The following SND1 variants were observed in gnomAD, a reference collection of about 807,000 sequenced individuals.
SND1 encodes staphylococcal nuclease domain-containing protein 1.
A neutral mutation model predicts 121.7 loss-of-function variants in SND1; 38 were observed. The ratio of observed to expected loss-of-function variants is 0.31; its 90% CI spans 0.24 to 0.41. SND1 has a LOEUF of 0.41. Among genes scored for constraint, SND1 ranks in the 10% least tolerant of loss-of-function variants. The pLI, the probability that SND1 is intolerant of heterozygous loss-of-function variation, is 1.00. For missense variants in SND1, 868 were observed against 1,184.6 expected, an observed-to-expected ratio of 0.73 and a Z score of 3.92; for synonymous variants, 401 against 447.4, an observed-to-expected ratio of 0.90 and a Z score of 1.31.
chr7:127,950,743 T>C lies in SND1; in HGVS notation c.1669+21414T>C, dbSNP rs146270239. ...ATTGTGGCCACATCTTACAGAGATGTAATGGTGGCTGCAGATTAAATCTCA... is the reference window on the plus strand; with the variant it reads ...ATTGTGGCCACATCTTACAGAGATGCAATGGTGGCTGCAGATTAAATCTCA... On this transcript the variant is annotated intron_variant, in intron 15 of 23. Coordinates refer to ENST00000354725, the MANE Select transcript of SND1 (RefSeq NM_014390.4). Among the ~76,000 whole-genome samples, 689 of 152,298 alleles carry C rather than the reference T, an allele frequency of 4.5e-3. 7 individuals are homozygous for C. The highest frequency in any genetic ancestry group is 0.016 in the African/African-American group (653 of 41,558).
At chr7:128,086,787 C>T in intron 20 of SND1, 151 bp from the exon 21 acceptor site, 2 of 696,052 alleles carry the variant, frequency 2.9e-6, no homozygotes, top group East Asian at 5.4e-5. Context: ...CACTGGGGAG[C>T]CTTTGTACAT....
At chr7:127,873,649 T>A (rs558411435) in intron 12 of SND1, among the ~76,000 whole-genome samples, 3 of 152,294 alleles carry the variant, frequency 2.0e-5, no homozygotes, top group Admixed American at 1.3e-4. Flanking sequence ...TTTTGTTTTG[T>A]GTTTTTTAAG....
intron 10 of SND1, among the ~76,000 whole-genome samples, chr7:127,722,049 A>G (rs901669482): frequency 3.9e-5 from 6 of 152,158 alleles, no homozygotes; most frequent in Non-Finnish European, 7.3e-5. Context: ...CATGACAGTT[A>G]TGTAGCCATA....
chr7:127,911,473 G>C (rs1800453849), intron 14 of SND1, among the ~76,000 whole-genome samples: 1 of 151,416 alleles, frequency 6.6e-6, no homozygotes, highest in African/African-American at 2.4e-5. Context: ...GCCTTCCAAA[G>C]TGCTGGGATT....
At chr7:127,920,858 CA>C (rs34784173) in intron 14 of SND1, among the ~76,000 whole-genome samples, 4,696 of 120,392 alleles carry the variant, frequency 0.039, 114 homozygotes, top group African/African-American at 0.095. Flanking sequence ...CTTATCTTAA[CA>C]AAAAAAAAAA....
At chr7:127,787,190 T>A (rs1375936577) in intron 10 of SND1, among the ~76,000 whole-genome samples, 7 of 152,216 alleles carry the variant, frequency 4.6e-5, no homozygotes, top group Admixed American at 4.6e-4. Flanking sequence ...TTTTCTTCTG[T>A]CTTTTTATGC....
intron 15 of SND1, among the ~76,000 whole-genome samples, chr7:127,979,342 G>A (rs781570008): frequency 4.6e-5 from 7 of 152,196 alleles, no homozygotes; most frequent in Non-Finnish European, 8.8e-5. Context: ...GAGCAATGGC[G>A]AGAGCACACT....
At chr7:127,702,331 G>T in intron 5 of SND1, 104 bp from the exon 6 acceptor site, 1 of 999,658 alleles carries the variant, frequency 1.0e-6, no homozygotes. Context: ...GCTTTCTCAG[G>T]GTTTTTGGGG....
intron 15 of SND1, among the ~76,000 whole-genome samples, chr7:127,950,485 G>C (rs574836063): frequency 6.6e-6 from 1 of 152,168 alleles, no homozygotes; most frequent in East Asian, 1.9e-4. Context: ...TGGCCATTTC[G>C]ATCCAGTACT....
chr7:128,084,218 G>A (rs1793652044), intron 18 of SND1, among the ~76,000 whole-genome samples: 1 of 152,174 alleles, frequency 6.6e-6, no homozygotes, highest in Middle Eastern at 3.2e-3. Flanking sequence ...GGTGGTGTGG[G>A]GCCCATCCTT....
chr7:127,896,287 C>G (rs1379128741), intron 13 of SND1, among the ~76,000 whole-genome samples: 2 of 152,052 alleles, frequency 1.3e-5, no homozygotes, highest in Non-Finnish European at 2.9e-5. Flanking sequence ...TTTCACACAA[C>G]CCAAAATATT....
At position 127,663,856 on chromosome 7, in the gene SND1, G is replaced by A. The variant is rs529964236; in HGVS notation, c.78+11405G>A. On this transcript the variant is annotated intron_variant, in intron 1 of 23. Coordinates refer to ENST00000354725, the MANE Select transcript of SND1 (RefSeq NM_014390.4). ...AAAGTGCAGATAGACAGGTGGAGGT[G>A]AGAGGCAAAATCATGTGAGAGAAGT... Among the ~76,000 whole-genome samples, 250 of 152,324 alleles carry A rather than the reference G, an allele frequency of 1.6e-3. 2 individuals carry two copies. The highest frequency in any genetic ancestry group is 5.7e-3 in the African/African-American group (238 of 41,566).
intron 16 of SND1, chr7:128,030,445 G>A: frequency 1.2e-6 from 2 of 1,613,776 alleles, no homozygotes; most frequent in Non-Finnish European, 1.7e-6. Context: ...ACCTCGGAGA[G>A]GCCCCGGCGC....
In SND1 at chr7:127,949,087, A is replaced by C. The variant is rs941786656; in HGVS notation, c.1669+19758A>C. 5.9e-5 allele frequency: 9 copies of C among 152,340 alleles called. No homozygotes were observed. In the East Asian group the frequency reaches 9.6e-4, roughly 16 times the overall value. 9.4% of individuals were successfully genotyped at this position (152,340 alleles called of 1,614,324 possible). A position where few individuals can be genotyped will look rare whatever the true frequency, so the allele number is the denominator to read the frequency against. On this transcript the variant is annotated intron_variant, in intron 15 of 23. Transcript: ENST00000354725. ...TGGGATTCTTAACAGTTGCTATGAG[A>C]ACCTTAACTTTTGCATTCCCTGACT...
chr7:127,845,595 C>T (rs1799044823), intron 12 of SND1, among the ~76,000 whole-genome samples: 1 of 152,222 alleles, frequency 6.6e-6, no homozygotes, highest in South Asian at 2.1e-4. Context: ...GTTACCACTT[C>T]TTAGGAGTCA....
At chr7:127,854,947 G>A (rs1400648915) in intron 12 of SND1, among the ~76,000 whole-genome samples, 2 of 150,916 alleles carry the variant, frequency 1.3e-5, no homozygotes, top group South Asian at 2.1e-4. Context: ...AGGGGAAATT[G>A]CCTGTTATTT....
At chr7:127,942,015 A>AT (rs1245977907) in intron 15 of SND1, among the ~76,000 whole-genome samples, 1 of 149,704 alleles carries the variant, frequency 6.7e-6, no homozygotes, top group East Asian at 2.0e-4. Context: ...TAGAGTGGCC[A>AT]TTTTTCCCTT....
intron 15 of SND1, among the ~76,000 whole-genome samples, chr7:127,962,894 C>T (rs572497928): frequency 1.3e-5 from 2 of 152,300 alleles, no homozygotes; most frequent in East Asian, 1.9e-4. Context: ...AATGACACCT[C>T]TCTGAGCCAA....
chr7:127,709,504 G>A (rs1158541285), intron 9 of SND1, among the ~76,000 whole-genome samples: 1 of 152,146 alleles, frequency 6.6e-6, no homozygotes, highest in East Asian at 1.9e-4. Context: ...GCTGGTTGGG[G>A]AGTTAACTAA....
Sources: gnomAD v4.1 joint callset for allele counts (sites outside exome capture counted in the v4.1 genomes callset) on GRCh38, gnomAD v4.1.1 for gene constraint, MANE v1.5 for transcripts, NCBI Gene and HGNC (gene_info 2026-07-23, HGNC 2026-07-21) for gene names.